Variants in ANO2 observed in about 807,000 individuals in gnomAD.
ANO2 encodes anoctamin 2.
In ANO2, 101 loss-of-function variants were observed where a neutral mutation model predicts 124.2. The ratio of observed to expected loss-of-function variants is 0.81; its 90% CI spans 0.69 to 0.96. The LOEUF is 0.96. ANO2 is among the 40% of genes least tolerant of loss of function. ANO2 has a pLI of 0.00. For missense variants in ANO2, 1,293 were observed against 1,274.5 expected (o/e 1.01, Z -0.22); for synonymous variants, 486 against 482.5 (o/e 1.01, Z -0.09).
At chr12:5,921,447 G>A in intron 2 of ANO2, 81 bp from the exon 3 acceptor site, 2 of 1,407,282 alleles carry the variant, frequency 1.4e-6, no homozygotes, top group East Asian at 4.7e-5. Context: ...TATGCTCTGG[G>A]CTCAGGGAAA....
chr12:5,914,137 T>TGAGCC, intron 3 of ANO2, among the ~76,000 whole-genome samples: 1 of 151,704 alleles, frequency 6.6e-6, no homozygotes, highest in Non-Finnish European at 1.5e-5. Flanking sequence ...GAGGCGGAGG[T>TGAGCC]TGCAGTGAGC....
intron 1 of ANO2, among the ~76,000 whole-genome samples, chr12:5,926,799 G>A (rs571563927): frequency 1.6e-4 from 25 of 152,268 alleles, no homozygotes; most frequent in Non-Finnish European, 3.1e-4. Context: ...TGCAGGCCAC[G>A]AGGACCCATG....
rs766078118 is a variant in ANO2 at position 5,900,720 on chromosome 12, A to T, written c.534+20320T>A. On this transcript the variant is annotated intron_variant, in intron 3 of 24. Transcript: ENST00000682330. This position sits in a 1 kb window ranked among gnomAD's most constrained non-coding sequence, Gnocchi z 4.2. ...CCCCATGGGTGGGGCCGGGACAGGA[A>T]ATGGCCAAGCACACAGCATCTTCCC... Among the ~76,000 whole-genome samples the T allele has an allele frequency of 2.6e-5, 4 of 152,220 alleles. No individual in the cohort carries two copies. The highest frequency in any genetic ancestry group is 5.9e-5 in the Non-Finnish European group (4 of 68,030).
At chr12:5,801,310 TC>T (rs1371699006) in intron 9 of ANO2, among the ~76,000 whole-genome samples, 1 of 152,194 alleles carries the variant, frequency 6.6e-6, no homozygotes, top group Non-Finnish European at 1.5e-5. Flanking sequence ...CAGTAAAGGG[TC>T]ATCATTAGAC....
At chr12:5,755,231 C>T (rs1337730914) in intron 10 of ANO2, among the ~76,000 whole-genome samples, 3 of 151,812 alleles carry the variant, frequency 2.0e-5, no homozygotes, top group Non-Finnish European at 1.5e-5. Flanking sequence ...CTACTCTCTC[C>T]TCACCTGCAA....
chr12:5,757,900 GAGTGT>G (rs1380232598), intron 10 of ANO2, among the ~76,000 whole-genome samples: 1 of 152,172 alleles, frequency 6.6e-6, no homozygotes, highest in Non-Finnish European at 1.5e-5. Context: ...TAGCATGACA[GAGTGT>G]AATAACTGGA....
chr12:5,571,701 TTCTCTCTCTC>T, intron 23 of ANO2, among the ~76,000 whole-genome samples: 1 of 150,734 alleles, frequency 6.6e-6, no homozygotes, highest in South Asian at 2.1e-4. Context: ...TCTCTCTTTC[TTCTCTCTCTC>T]TCTCTCTCTT....
At chr12:5,917,412 T>A (rs61908410) in intron 3 of ANO2, among the ~76,000 whole-genome samples, 23,031 of 152,122 alleles carry the variant, frequency 0.15, 1,970 homozygotes, top group South Asian at 0.2. Context: ...TAACTAGGCA[T>A]GCTGCATTTT....
chr12:5,937,168 A>G (rs1055337045), intron 1 of ANO2, among the ~76,000 whole-genome samples: 1 of 152,220 alleles, frequency 6.6e-6, no homozygotes, highest in Admixed American at 6.5e-5. Flanking sequence ...ATGAAACTGC[A>G]TTCCACCAAC....
intron 19 of ANO2, among the ~76,000 whole-genome samples, chr12:5,600,699 T>C (rs1486398228): frequency 6.6e-6 from 1 of 152,212 alleles, no homozygotes; most frequent in Non-Finnish European, 1.5e-5. Context: ...AATTACTTTT[T>C]AATGGCAAAA....
At chr12:5,628,687 T>TCAC (rs1945537195) in intron 16 of ANO2, among the ~76,000 whole-genome samples, 3 of 145,890 alleles carry the variant, frequency 2.1e-5, no homozygotes, top group Admixed American at 6.6e-5. Context: ...TGTGTGTGTG[T>TCAC]GCGCGCGCGC....
At chr12:5,863,801 T>C (rs1591712200) in intron 3 of ANO2, among the ~76,000 whole-genome samples, 1 of 152,286 alleles carries the variant, frequency 6.6e-6, no homozygotes, top group East Asian at 1.9e-4. Context: ...TTTTTTGTTT[T>C]AAAAAATCAT....
At chr12:5,755,403 A>G (rs969470037) in intron 10 of ANO2, among the ~76,000 whole-genome samples, 5 of 148,322 alleles carry the variant, frequency 3.4e-5, no homozygotes. Context: ...TTATTTATTT[A>G]TTTATTTATA....
chr12:5,936,583 C>G (rs1225442735), intron 1 of ANO2, among the ~76,000 whole-genome samples: 1 of 152,190 alleles, frequency 6.6e-6, no homozygotes, highest in African/African-American at 2.4e-5. Flanking sequence ...ACTTCCCAGC[C>G]TGGAGAACTG....
rs112128504 is a variant in ANO2 at position 5,588,202 on chromosome 12, G to A, written c.2234-9684C>T. Among the ~76,000 whole-genome samples, 866 of 138,436 alleles carry A rather than the reference G, an allele frequency of 6.3e-3. 29 individuals are homozygous for A. The highest frequency in any genetic ancestry group is 0.028 in the African/African-American group (803 of 28,744). 90.8% of individuals were successfully genotyped at this position (138,436 alleles called of 152,430 possible). ...GAGGTCTAGCCAGTCGGGAAGGAAG[G>A]AGGAAGCCTCACTTCATTCCATCCT... On this transcript the variant is annotated intron_variant, in intron 20 of 24. Coordinates refer to ENST00000682330, the MANE Select transcript of ANO2 (RefSeq NM_001364791.2).
intron 9 of ANO2, among the ~76,000 whole-genome samples, chr12:5,800,859 T>C (rs920050961): frequency 1.3e-5 from 2 of 152,162 alleles, no homozygotes; most frequent in African/African-American, 2.4e-5. Context: ...TGTAAAGTCA[T>C]TAAATGATGG....
intron 3 of ANO2, among the ~76,000 whole-genome samples, chr12:5,889,178 C>T (rs556757637): frequency 2.0e-5 from 3 of 152,326 alleles, no homozygotes; most frequent in Non-Finnish European, 2.9e-5. Context: ...ACCCAGAACT[C>T]GCGCTGGCCC....
chr12:5,578,249 C>T (rs904574754), intron 21 of ANO2, 117 bp downstream of exon 21: 1 of 1,430,658 alleles, frequency 7.0e-7, no homozygotes, highest in Non-Finnish European at 9.5e-7. Context: ...GATGAGGGAC[C>T]CAAAGGGAAG....
At chr12:5,585,193 A>C (rs541582538) in intron 20 of ANO2, among the ~76,000 whole-genome samples, 1 of 152,008 alleles carries the variant, frequency 6.6e-6, no homozygotes, top group South Asian at 2.1e-4. Flanking sequence ...AAAATTTGCT[A>C]TATGGTTGGT....
Sources: allele counts gnomAD v4.1 joint callset (sites outside exome capture counted in the v4.1 genomes callset), GRCh38; gene constraint gnomAD v4.1.1; non-coding constraint Gnocchi (gnomAD v3.1); transcripts MANE v1.5; gene names NCBI Gene and HGNC (gene_info 2026-07-23, HGNC 2026-07-21).